MEF2A: variants seen among roughly 807,000 people sequenced by gnomAD.
The protein encoded by MEF2A is myocyte-specific enhancer factor 2A.
A neutral mutation model predicts 55.8 loss-of-function variants in MEF2A; 28 were observed. That is an observed-to-expected ratio of 0.50 (90% confidence interval 0.37 to 0.69). MEF2A has a LOEUF of 0.69. MEF2A is among the 30% of genes least tolerant of loss of function. The pLI, the probability that MEF2A is intolerant of heterozygous loss-of-function variation, is 0.00. For missense variants in MEF2A, 528 were observed against 626.2 expected (o/e 0.84, Z 1.67); for synonymous variants, 239 against 227.1 (o/e 1.05, Z -0.47).
intron 2 of MEF2A, among the ~76,000 whole-genome samples, chr15:99,608,625 G>A (rs1380469360): frequency 1.3e-5 from 2 of 152,114 alleles, no homozygotes; most frequent in African/African-American, 2.4e-5. Context: ...TTGGGCGAGC[G>A]TGGTGGCTCA....
chr15:99,704,793 A>T (rs2057833601), intron 9 of MEF2A, among the ~76,000 whole-genome samples: 1 of 152,220 alleles, frequency 6.6e-6, no homozygotes. Context: ...GAAGAAATTA[A>T]GTCCAAAGTA....
At chr15:99,653,386 CCTT>C (rs916743208) in intron 4 of MEF2A, among the ~76,000 whole-genome samples, 27 of 152,138 alleles carry the variant, frequency 1.8e-4, no homozygotes, top group African/African-American at 6.3e-4. Context: ...CAGAAAGACA[CCTT>C]CTTGCATAGA....
At chr15:99,711,505 C>G (rs2058641038) in intron 11 of MEF2A, among the ~76,000 whole-genome samples, 1 of 152,142 alleles carries the variant, frequency 6.6e-6, no homozygotes, top group Admixed American at 6.5e-5. Flanking sequence ...GACAGCAGAC[C>G]CATGGAGCAG....
At chr15:99,698,417 C>T (rs900476521) in intron 8 of MEF2A, among the ~76,000 whole-genome samples, 1 of 152,122 alleles carries the variant, frequency 6.6e-6, no homozygotes, top group African/African-American at 2.4e-5. Flanking sequence ...TGAAAATATG[C>T]TCAATATTAT....
At chr15:99,635,629 C>T (rs574226269) in intron 3 of MEF2A, among the ~76,000 whole-genome samples, 1 of 152,186 alleles carries the variant, frequency 6.6e-6, no homozygotes, top group South Asian at 2.1e-4. Context: ...AGGTCATTAT[C>T]CTGACTTCTA....
rs1440375911 is a variant in MEF2A, at chr15:99,666,369, C to CA, written c.259-4953dup. Among the ~76,000 whole-genome samples, 11 of 152,126 alleles carry CA rather than the reference C, an allele frequency of 7.2e-5. No individual in the cohort carries two copies. The East Asian group carries it at 1.2e-3, about 16-fold the overall frequency. On this transcript the variant is annotated intron_variant, in intron 4 of 11. Coordinates refer to ENST00000557942, the MANE Select transcript of MEF2A (RefSeq NM_001319206.4). The stretch of plus-strand genomic sequence containing the variant: ...AAACTAAACACCGCATGTTCTCACT[C>CA]ATAAGTGGGAGTTGAACAATGACAA...
chr15:99,690,330 C>T lies in MEF2A; in HGVS notation c.760C>T (p.Pro254Ser). Residue 254 changes from proline to serine, a missense_variant, in exon 8 of 12, where the codon CCC becomes TCC. Transcript: ENST00000557942. ...AGGCAAAGTCATGCCTACAAAGTCT[C>T]CCCCTCCACCAGGTGGTGGTAATCT... ...SLGKVMPTKS[P>S]PPPGGGNLGM... The T allele has an allele frequency of 6.2e-7, 1 of 1,613,556 alleles. No homozygotes were observed. Among genetic ancestry groups the T allele is most frequent in the Non-Finnish European group, 8.5e-7 (1 of 1,179,748 alleles).
chr15:99,574,592 GCATGTGTGGTT>G lies in MEF2A; in HGVS notation c.-225+8491_-225+8501del, dbSNP rs539631993. ...AAGGAGTGCACAACCTAGATCCTTT[GCATGTGTGGTT>G]CACAGTGGGGTTTGTGCTTCTGTGA... is the stretch of plus-strand genomic sequence containing the variant. On this transcript the variant is annotated intron_variant, in intron 1 of 11. Transcript: ENST00000557942. Among the ~76,000 whole-genome samples, 97 of 152,264 alleles carry G rather than the reference GCATGTGTGGTT, an allele frequency of 6.4e-4. 2 individuals carry two copies. The South Asian group carries it at 0.019, about 30-fold the overall frequency.
intron 4 of MEF2A, among the ~76,000 whole-genome samples, chr15:99,664,956 G>A (rs948587995): frequency 6.6e-6 from 1 of 152,024 alleles, no homozygotes; most frequent in African/African-American, 2.4e-5. Context: ...AAACAGAGGA[G>A]AACTCAAAAA....
chr15:99,688,944 C>T (rs1430655617), intron 7 of MEF2A, among the ~76,000 whole-genome samples: 1 of 151,984 alleles, frequency 6.6e-6, no homozygotes, highest in African/African-American at 2.4e-5. Context: ...CATCTGGGGG[C>T]TGGAGGGAGG....
In MEF2A at chr15:99,657,833, G is replaced by A. The variant is rs2047990551; in HGVS notation, c.258+12069G>A. Among the ~76,000 whole-genome samples, 4 of 152,148 alleles carry A rather than the reference G, an allele frequency of 2.6e-5. No individual in the cohort carries two copies. The East Asian group carries it at 5.8e-4, about 22-fold the overall frequency. On this transcript the variant is annotated intron_variant, in intron 4 of 11. Transcript: ENST00000557942. ...GCAGATAGGGGAAAGAAGAGAACAC[G>A]AAAAGAAAAATAGAACATATCTGAC...
chr15:99,611,184 G>T (rs562302164), intron 2 of MEF2A, among the ~76,000 whole-genome samples: 4 of 152,342 alleles, frequency 2.6e-5, no homozygotes, highest in African/African-American at 9.6e-5. Flanking sequence ...GGAGGTTGCA[G>T]TGAGCTGAGA....
intron 2 of MEF2A, among the ~76,000 whole-genome samples, chr15:99,619,565 CT>C (rs964878462): frequency 3.9e-5 from 6 of 152,136 alleles, no homozygotes; most frequent in South Asian, 4.1e-4. Flanking sequence ...CCTAGAAAAC[CT>C]TTCTTTCTCC....
intron 4 of MEF2A, among the ~76,000 whole-genome samples, chr15:99,647,170 CT>C (rs2046095798): frequency 6.6e-6 from 1 of 151,770 alleles, no homozygotes; most frequent in Admixed American, 6.6e-5. Flanking sequence ...GACCTTTCCC[CT>C]ATTACATGTC....
chr15:99,602,624 G>T (rs1243671054), intron 2 of MEF2A, among the ~76,000 whole-genome samples: 1 of 149,728 alleles, frequency 6.7e-6, no homozygotes, highest in Non-Finnish European at 1.5e-5. Flanking sequence ...CTGCCTGACC[G>T]TCACCTGGTG....
chr15:99,674,364 GT>G (rs1423847239), intron 5 of MEF2A, 28 bp from the exon 6 acceptor site: 1 of 1,572,024 alleles, frequency 6.4e-7, no homozygotes, highest in African/African-American at 1.4e-5. Flanking sequence ...GAAACCAACA[GT>G]TTTTTCCTTC....
chr15:99,711,744 G>C lies in MEF2A; in HGVS notation c.1137-646G>C, dbSNP rs533809600. On this transcript the variant is annotated intron_variant, in intron 11 of 11. Coordinates refer to ENST00000557942, the MANE Select transcript of MEF2A (RefSeq NM_001319206.4). ...TGGTCTTCTTAGGAATTATGTCATG[G>C]AAAAAGCAGCAGAGTATCTCAGGGA... 2.6e-5 allele frequency among the ~76,000 whole-genome samples: 4 copies of C among 152,292 alleles called. No homozygotes were observed. In the South Asian group the frequency reaches 6.3e-4, roughly 24 times the overall value.
At chr15:99,612,084 A>G (rs2039359573) in intron 2 of MEF2A, among the ~76,000 whole-genome samples, 2 of 152,132 alleles carry the variant, frequency 1.3e-5, no homozygotes, top group African/African-American at 4.8e-5. Context: ...ATAATTAGAT[A>G]GTGGTAATAG....
At chr15:99,569,813 A>G (rs1961334342) in intron 1 of MEF2A, among the ~76,000 whole-genome samples, 2 of 152,006 alleles carry the variant, frequency 1.3e-5, no homozygotes, top group South Asian at 4.1e-4. Flanking sequence ...TTAATCTGTA[A>G]TTTTTAAAAT....
Sources: allele counts gnomAD v4.1 joint callset (sites outside exome capture counted in the v4.1 genomes callset), GRCh38; gene constraint gnomAD v4.1.1; transcripts MANE v1.5; gene names NCBI Gene and HGNC (gene_info 2026-07-23, HGNC 2026-07-21).